WDR70: variants seen among roughly 807,000 people sequenced by gnomAD.
WDR70 encodes the protein WD repeat domain 70, also known as WD repeat-containing protein 70.
A neutral mutation model predicts 88.6 loss-of-function variants in WDR70; 53 were observed. The observed-to-expected ratio is 0.60, with a 90% CI of 0.48 to 0.75. The LOEUF (loss-of-function observed/expected upper bound fraction) is 0.75. WDR70 is among the 30% of genes least tolerant of loss of function. WDR70 has a pLI of 0.00. For synonymous variants in WDR70, 280 were observed against 270.0 expected, an observed-to-expected ratio of 1.04 and a Z score of -0.36; for missense variants, 610 against 823.2, an observed-to-expected ratio of 0.74 and a Z score of 3.17.
At chr5:37,740,534 T>G (rs535509400) in intron 17 of WDR70, among the ~76,000 whole-genome samples, 1 of 152,282 alleles carries the variant, frequency 6.6e-6, no homozygotes, top group South Asian at 2.1e-4. Context: ...TATTAAAGGT[T>G]CTGAATTATG....
chr5:37,475,576 C>T (rs1263304487), intron 7 of WDR70, among the ~76,000 whole-genome samples: 1 of 152,090 alleles, frequency 6.6e-6, no homozygotes, highest in Non-Finnish European at 1.5e-5. Context: ...GCCTGATATT[C>T]GTAAGATATA....
intron 13 of WDR70, among the ~76,000 whole-genome samples, chr5:37,707,245 T>C (rs1306269421): frequency 1.3e-5 from 2 of 152,170 alleles, no homozygotes; most frequent in African/African-American, 4.8e-5. Flanking sequence ...AACTTAAGCA[T>C]GGTTAATCAG....
chr5:37,693,868 C>T (rs1746894744), intron 10 of WDR70, among the ~76,000 whole-genome samples: 1 of 152,188 alleles, frequency 6.6e-6, no homozygotes, highest in Non-Finnish European at 1.5e-5. Context: ...TCTAATTAAA[C>T]TAAAGAGCTT....
At chr5:37,751,629 C>G (rs1748816821) in intron 17 of WDR70, among the ~76,000 whole-genome samples, 1 of 152,194 alleles carries the variant, frequency 6.6e-6, no homozygotes. Context: ...TATAATGATT[C>G]TAAATGAAAA....
At chr5:37,481,566 A>C (rs1466142986) in intron 8 of WDR70, among the ~76,000 whole-genome samples, 1 of 151,974 alleles carries the variant, frequency 6.6e-6, no homozygotes, top group Non-Finnish European at 1.5e-5. Flanking sequence ...GCACCAAGTT[A>C]CTAGGCTGCA....
intron 9 of WDR70, among the ~76,000 whole-genome samples, chr5:37,526,206 C>G (rs1741265399): frequency 6.6e-6 from 1 of 152,140 alleles, no homozygotes; most frequent in African/African-American, 2.4e-5. Context: ...ACCAATATCC[C>G]TGATGAACAT....
At chr5:37,387,830 T>C (rs184572123) in intron 3 of WDR70, among the ~76,000 whole-genome samples, 8 of 151,792 alleles carry the variant, frequency 5.3e-5, no homozygotes, top group African/African-American at 1.9e-4. Flanking sequence ...AGTTGAAAAT[T>C]CTCATATGGG....
chr5:37,582,093 T>G lies in WDR70; in HGVS notation c.918-22971T>G, dbSNP rs1743235350. Among the ~76,000 whole-genome samples, 3 of 126,434 alleles carry G rather than the reference T, an allele frequency of 2.4e-5. No homozygotes were observed. In the South Asian group the frequency reaches 7.6e-4, roughly 32 times the overall value. The allele number at this position is 126,434 out of a possible 152,430, so 82.9% of individuals were successfully genotyped here. A position where few individuals can be genotyped will look rare whatever the true frequency, so the allele number is the denominator to read the frequency against. The stretch of plus-strand genomic sequence containing the variant: ...TCACTACTTAGTTACAGTTTTTATT[T>G]GTTACAGTATTAGTTAGTAACTAAT... On this transcript the variant is annotated intron_variant, in intron 9 of 17. Coordinates refer to ENST00000265107, the MANE Select transcript of WDR70 (RefSeq NM_018034.4).
chr5:37,558,758 A>C (rs912510932), intron 9 of WDR70, among the ~76,000 whole-genome samples: 12 of 152,120 alleles, frequency 7.9e-5, no homozygotes, highest in Admixed American at 6.5e-4. Flanking sequence ...TAATTCCTCT[A>C]TAGGGAAAGC....
chr5:37,464,758 C>T (rs1444451014), intron 7 of WDR70, among the ~76,000 whole-genome samples: 1 of 152,208 alleles, frequency 6.6e-6, no homozygotes, highest in Non-Finnish European at 1.5e-5. Context: ...CTGCTGACTG[C>T]TGTGCACTTC....
intron 7 of WDR70, among the ~76,000 whole-genome samples, chr5:37,470,343 A>T (rs1003204581): frequency 6.6e-6 from 1 of 152,086 alleles, no homozygotes; most frequent in Non-Finnish European, 1.5e-5. Flanking sequence ...TCTAATTTTT[A>T]TAATGTTTAA....
intron 9 of WDR70, among the ~76,000 whole-genome samples, chr5:37,548,365 T>C (rs1451329999): frequency 2.0e-5 from 3 of 152,200 alleles, no homozygotes; most frequent in Non-Finnish European, 4.4e-5. Context: ...TCTCTTGTTT[T>C]TATTTTCATT....
chr5:37,415,838 G>T, intron 5 of WDR70, among the ~76,000 whole-genome samples: 2 of 141,226 alleles, frequency 1.4e-5, no homozygotes, highest in Admixed American at 1.4e-4. Context: ...AGACGGGGTC[G>T]CGGCCGGGCA....
intron 9 of WDR70, among the ~76,000 whole-genome samples, chr5:37,564,898 T>G (rs537590790): frequency 6.6e-6 from 1 of 152,324 alleles, no homozygotes; most frequent in Admixed American, 6.5e-5. Context: ...AGTTTTTCTA[T>G]TTATGTTAAT....
intron 8 of WDR70, among the ~76,000 whole-genome samples, chr5:37,497,478 C>G (rs1002252952): frequency 0.035 from 1,718 of 49,702 alleles, 23 homozygotes; most frequent in Middle Eastern, 0.12. Flanking sequence ...CTTTCCTTCC[C>G]TCTTCCCTTC....
intron 5 of WDR70, among the ~76,000 whole-genome samples, chr5:37,412,216 G>C (rs1749548201): frequency 6.6e-6 from 1 of 151,972 alleles, no homozygotes; most frequent in African/African-American, 2.4e-5. Context: ...GTGAAACTCT[G>C]TCTCTACTAA....
intron 10 of WDR70, among the ~76,000 whole-genome samples, chr5:37,630,072 T>C (rs1561929527): frequency 6.6e-6 from 1 of 152,226 alleles, no homozygotes; most frequent in Non-Finnish European, 1.5e-5. Context: ...CTCAGTGGCC[T>C]AGGCTGAGAG....
At chr5:37,440,650 G>T (rs1750626026) in intron 6 of WDR70, among the ~76,000 whole-genome samples, 1 of 152,080 alleles carries the variant, frequency 6.6e-6, no homozygotes, top group Admixed American at 6.6e-5. Flanking sequence ...CAGCCTCCGA[G>T]CTCTGTTTTC....
intron 5 of WDR70, among the ~76,000 whole-genome samples, chr5:37,403,862 C>T (rs1396268728): frequency 6.6e-6 from 1 of 152,040 alleles, no homozygotes; most frequent in South Asian, 2.1e-4. Context: ...CTTGCCTCAG[C>T]CTCCTGAGTA....
Sources: allele counts gnomAD v4.1 joint callset (sites outside exome capture counted in the v4.1 genomes callset), GRCh38; gene constraint gnomAD v4.1.1; transcripts MANE v1.5; gene names NCBI Gene and HGNC (gene_info 2026-07-23, HGNC 2026-07-21).